SLC25A15: variants seen among roughly 807,000 people sequenced by gnomAD.
SLC25A15 encodes the protein solute carrier family 25 member 15, also known as mitochondrial ornithine transporter 1.
Under a neutral mutation model 32.3 loss-of-function variants are expected in SLC25A15, and 24 were observed. That is an observed-to-expected ratio of 0.74 (90% CI 0.54 to 1.04). The LOEUF (loss-of-function observed/expected upper bound fraction) is 1.04, where lower values mean the gene tolerates loss of function less well. Ranked by LOEUF, SLC25A15 falls within the 50% of genes least tolerant of loss-of-function variation. The probability of loss-of-function intolerance (pLI) is 0.00; values close to 1 mark genes in which losing one functional copy is unlikely to be tolerated. For synonymous variants in SLC25A15, 132 were observed against 142.1 expected, an observed-to-expected ratio of 0.93 and a Z score of 0.51; for missense variants, 317 against 374.5, an observed-to-expected ratio of 0.85 and a Z score of 1.27.
intron 2 of SLC25A15, 128 bp downstream of exon 2, chr13:40,793,409 A>G (rs1225336807): frequency 1.2e-6 from 1 of 834,584 alleles, no homozygotes; most frequent in African/African-American, 1.7e-5. Flanking sequence ...TTAGATACAT[A>G]AATACCACTG....
chr13:40,801,241 A>G (rs1040114026), intron 3 of SLC25A15, among the ~76,000 whole-genome samples: 20 of 151,268 alleles, frequency 1.3e-4, no homozygotes, highest in South Asian at 6.2e-4. Flanking sequence ...AAAAAAAAAA[A>G]AAAAGAAAAG....
intron 1 of SLC25A15, among the ~76,000 whole-genome samples, chr13:40,791,918 G>A (rs1358352779): frequency 1.3e-5 from 2 of 152,174 alleles, no homozygotes; most frequent in African/African-American, 4.8e-5. Context: ...GTTTCCTGTT[G>A]ACGTTCAGGG....
At chr13:40,807,523 G>T in intron 5 of SLC25A15, 60 bp downstream of exon 5, 1 of 1,569,348 alleles carries the variant, frequency 6.4e-7, no homozygotes, top group South Asian at 1.1e-5. Flanking sequence ...TGCAGGTATG[G>T]TTTCTGTGGA....
chr13:40,807,614 T>A, intron 5 of SLC25A15, 151 bp downstream of exon 5: 2 of 875,192 alleles, frequency 2.3e-6, no homozygotes, highest in Admixed American at 1.9e-5. Context: ...GAAGGTAACA[T>A]GGTGGCAGGC....
At chr13:40,800,598 G>T (rs1355502713) in intron 3 of SLC25A15, among the ~76,000 whole-genome samples, 1 of 152,166 alleles carries the variant, frequency 6.6e-6, no homozygotes, top group Non-Finnish European at 1.5e-5. Flanking sequence ...TGAGATTCTG[G>T]GGAAGACCTG....
At chr13:40,796,242 C>T (rs1881666834) in intron 2 of SLC25A15, among the ~76,000 whole-genome samples, 1 of 152,156 alleles carries the variant, frequency 6.6e-6, no homozygotes, top group South Asian at 2.1e-4. Context: ...AACGTTTTCC[C>T]CACCACACAG....
Position 40,811,786 on chromosome 13 carries a change from C to G in SLC25A15, c.*2119C>G, listed in dbSNP as rs2138062623. Among the ~76,000 whole-genome samples the G allele has an allele frequency of 6.6e-6, 1 of 152,316 alleles. No homozygotes were observed. Among genetic ancestry groups the G allele is most frequent in the Middle Eastern group, 3.4e-3 (1 of 294 alleles). On this transcript the variant is annotated 3_prime_UTR_variant, in exon 7 of 7. Coordinates refer to ENST00000338625, the MANE Select transcript of SLC25A15 (RefSeq NM_014252.4). ...CTATCAATTTTAATAATAGTCCATA[C>G]CATGTATGTGTTTCTGTCAGCAGAA...
intron 3 of SLC25A15, among the ~76,000 whole-genome samples, chr13:40,804,160 G>A (rs192193714): frequency 5.9e-5 from 9 of 152,208 alleles, no homozygotes; most frequent in South Asian, 2.1e-4. Flanking sequence ...GAACATAGCC[G>A]TCTTCTCACT....
intron 4 of SLC25A15, among the ~76,000 whole-genome samples, chr13:40,805,508 C>A (rs764432381): frequency 2.0e-5 from 3 of 152,154 alleles, no homozygotes; most frequent in Non-Finnish European, 2.9e-5. Flanking sequence ...AGCTTAACAC[C>A]CTTTTTGGCC....
chr13:40,793,387 G>C, intron 2 of SLC25A15, 106 bp downstream of exon 2: 1 of 1,000,486 alleles, frequency 1.0e-6, no homozygotes, highest in Non-Finnish European at 1.5e-6. Context: ...CCTTTTCTGT[G>C]TTTAGATACA....
intron 2 of SLC25A15, among the ~76,000 whole-genome samples, chr13:40,794,440 C>T (rs1172186954): frequency 1.3e-5 from 2 of 152,054 alleles, no homozygotes; most frequent in Non-Finnish European, 2.9e-5. Flanking sequence ...TGTCAGCTAA[C>T]CTGAGCCTAG....
Position 40,810,733 on chromosome 13 carries a change from C to T in SLC25A15, c.*1066C>T, listed in dbSNP as rs886240830. The T allele has an allele frequency of 1.9e-6, 1 of 534,414 alleles. No homozygotes were observed. The highest frequency in any genetic ancestry group is 1.9e-5 in the African/African-American group (1 of 51,950). The allele number at this position is 534,414 out of a possible 1,614,324, so 33.1% of individuals were successfully genotyped here. A position where few individuals can be genotyped will look rare whatever the true frequency, so the allele number is the denominator to read the frequency against. On this transcript the variant is annotated 3_prime_UTR_variant, in exon 7 of 7. Transcript: ENST00000338625. ...AATAGCATGGCCTTTACCAGCTTCC[C>T]TTCTCTCCCAAAGAACTTCCCTTCT...
chr13:40,798,954 A>G, intron 2 of SLC25A15, 103 bp from the exon 3 acceptor site: 1 of 1,607,678 alleles, frequency 6.2e-7, no homozygotes, highest in African/African-American at 1.3e-5. Flanking sequence ...GGTTGAAATG[A>G]ACCGAAGCAG....
chr13:40,793,364 T>G lies in SLC25A15; in HGVS notation c.55+83T>G, dbSNP rs1881576131. ...GTGGTCCCATGAGATTATACTACCA[T>G]ATTTTTACTGTACCTTTTCTGTGTT... On this transcript the variant is annotated intron_variant, in intron 2 of 6. Transcript: ENST00000338625. 3.4e-6 allele frequency: 4 copies of G among 1,170,622 alleles called. No homozygotes were observed. In the Admixed American group the frequency reaches 7.8e-5, roughly 23 times the overall value. The allele number at this position is 1,170,622 out of a possible 1,614,324, so 72.5% of individuals were successfully genotyped here. A position where few individuals can be genotyped will look rare whatever the true frequency, so the allele number is the denominator to read the frequency against.
At position 40,810,695 on chromosome 13, in the gene SLC25A15, C is replaced by T. The variant is rs1453868258; in HGVS notation, c.*1028C>T. The T allele has an allele frequency of 1.9e-6, 1 of 529,602 alleles. No individual in the cohort carries two copies. Among genetic ancestry groups the T allele is most frequent in the Non-Finnish European group, 3.9e-6 (1 of 258,566 alleles). 32.8% of individuals were successfully genotyped at this position (529,602 alleles called of 1,614,324 possible). A position where few individuals can be genotyped will look rare whatever the true frequency, so the allele number is the denominator to read the frequency against. ...TATTGCTAGGGGTGGCCCAGAGGGT[C>T]AGGCCTTTGGGAAATAGCATGGCCT... On this transcript the variant is annotated 3_prime_UTR_variant, in exon 7 of 7. Transcript: ENST00000338625.
Position 40,792,283 on chromosome 13 carries a change from G to A in SLC25A15, c.-69-875G>A, listed in dbSNP as rs546681132. On this transcript the variant is annotated intron_variant, in intron 1 of 6. Transcript: ENST00000338625. Reference sequence around the variant, plus strand: ...GTTATCAAGTGGATTTGGACACAACGGCCCAGGTGTTGTATCTCAAAGTGT... The same window carrying A: ...GTTATCAAGTGGATTTGGACACAACAGCCCAGGTGTTGTATCTCAAAGTGT... 4.6e-5 allele frequency among the ~76,000 whole-genome samples: 7 copies of A among 152,296 alleles called. No individual in the cohort carries two copies. In the South Asian group the frequency reaches 6.2e-4, roughly 14 times the overall value.
At chr13:40,807,188 T>G (rs1296806311) in intron 4 of SLC25A15, 106 bp from the exon 5 acceptor site, 3 of 1,047,040 alleles carry the variant, frequency 2.9e-6, no homozygotes, top group Non-Finnish European at 4.5e-6. Flanking sequence ...AATCAGCTTC[T>G]TCCTTACTAG....
At chr13:40,794,676 A>G (rs1380279322) in intron 2 of SLC25A15, among the ~76,000 whole-genome samples, 1 of 152,166 alleles carries the variant, frequency 6.6e-6, no homozygotes, top group African/African-American at 2.4e-5. Context: ...CTGATTGCCC[A>G]AAGGAAAACC....
At chr13:40,804,336 G>A (rs184071136) in intron 3 of SLC25A15, among the ~76,000 whole-genome samples, 2 of 152,230 alleles carry the variant, frequency 1.3e-5, no homozygotes, top group African/African-American at 2.4e-5. Flanking sequence ...AGTCCATAGC[G>A]CTGTGTGTAA....
Sources: allele counts gnomAD v4.1 joint callset (sites outside exome capture counted in the v4.1 genomes callset), GRCh38; gene constraint gnomAD v4.1.1; transcripts MANE v1.5; gene names NCBI Gene and HGNC (gene_info 2026-07-23, HGNC 2026-07-21).